Variants in MEG3 observed in about 807,000 individuals in gnomAD.
The protein encoded by MEG3 is maternally expressed 3.
chr14:100,834,448 C>T, exon 1 of MEG3: 1 of 300,378 alleles, frequency 3.3e-6, no homozygotes, highest in Non-Finnish European at 6.5e-6. Flanking sequence ...GTTAACTCCC[C>T]ACGTCCCCAT....
chr14:100,850,938 A>G (rs1046131160), intron 3 of MEG3: 3 of 152,358 alleles, frequency 2.0e-5, no homozygotes, highest in African/African-American at 7.2e-5. Context: ...TGTGTTCTAG[A>G]CAGTGGAATG....
chr14:100,859,126 T>A (rs901939393), exon 1 of MEG3: 5 of 152,238 alleles, frequency 3.3e-5, no homozygotes, highest in African/African-American at 1.2e-4. Flanking sequence ...AGTAGGCACA[T>A]AATAGATGCT....
intron 3 of MEG3, chr14:100,848,834 A>T (rs934395312): frequency 2.6e-5 from 4 of 152,222 alleles, no homozygotes; most frequent in Non-Finnish European, 5.9e-5. Context: ...AGAGGGAGAG[A>T]TGTAAGAAAA....
At chr14:100,858,157 C>T (rs1327038297) in exon 1 of MEG3, 5 of 152,676 alleles carry the variant, frequency 3.3e-5, no homozygotes, top group African/African-American at 7.2e-5. Context: ...GGCCTCCTGC[C>T]TGGTCCGGCT....
At chr14:100,832,125 T>C (rs1217249986), downstream of MEG3, 2 of 142,284 alleles carry the variant, frequency 1.4e-5, no homozygotes, top group Non-Finnish European at 3.1e-5. Context: ...AAAAAAAAAG[T>C]AGGAAAGGGA....
chr14:100,829,682 T>C (rs2037343800), downstream of MEG3: 1 of 152,242 alleles, frequency 6.6e-6, no homozygotes, highest in Non-Finnish European at 1.5e-5. Flanking sequence ...CTTGCTTGTC[T>C]TACTTGTCTT....
chr14:100,828,741 C>G (rs577276717), exon 2 of MEG3: 104 of 151,956 alleles, frequency 6.8e-4, no homozygotes, highest in Admixed American at 4.9e-3. Context: ...ATCCGTCCAC[C>G]TCCTTGTCTT....
Position 100,834,609 on chromosome 14 carries a change from T to G in MEG3, n.1641T>G, listed in dbSNP as rs1053896. 9.5e-3 allele frequency: 4,240 copies of G among 445,954 alleles called. 130 individuals are homozygous for G. The highest frequency in any genetic ancestry group is 0.071 in the African/African-American group (3,549 of 49,844). The allele number at this position is 445,954 out of a possible 1,614,324, so 27.6% of individuals were successfully genotyped here. On this transcript the variant is annotated non_coding_transcript_exon_variant, in exon 1 of 4. Transcript: ENST00000398461. The stretch of plus-strand genomic sequence containing the variant: ...CCTCGTCTTCCTCTCTCTCAATATC[T>G]CCCTCTCTTTGTCCCTCCCCAGTTC...
At chr14:100,854,983 C>T (rs905281374), upstream of MEG3, 2 of 152,638 alleles carry the variant, frequency 1.3e-5, no homozygotes, top group African/African-American at 4.8e-5. Flanking sequence ...ATGTTCTGCC[C>T]AAAGCATCAG....
intron 2 of MEG3, among the ~76,000 whole-genome samples, chr14:100,840,873 G>A (rs1266011580): frequency 6.6e-6 from 1 of 152,212 alleles, no homozygotes; most frequent in Non-Finnish European, 1.5e-5. Flanking sequence ...AAGGCTGACC[G>A]CATGTCTGCG....
At chr14:100,859,342 C>T (rs1309703513) in exon 1 of MEG3, 1 of 152,188 alleles carries the variant, frequency 6.6e-6, no homozygotes, top group African/African-American at 2.4e-5. Flanking sequence ...GTGGGTTTCC[C>T]CCCAGTGGAA....
chr14:100,839,658 G>A (rs2037692231), intron 2 of MEG3, among the ~76,000 whole-genome samples: 1 of 152,314 alleles, frequency 6.6e-6, no homozygotes, highest in Non-Finnish European at 1.5e-5. Context: ...GTGTTTCAGA[G>A]CCAGGAAAGG....
At chr14:100,833,715 C>T (rs2037464794), downstream of MEG3, 1 of 152,122 alleles carries the variant, frequency 6.6e-6, no homozygotes, top group Non-Finnish European at 1.5e-5. Context: ...CCTTATTTGT[C>T]CCAAGCTCTG....
chr14:100,844,406 C>G (rs147975133), intron 2 of MEG3, among the ~76,000 whole-genome samples: 1,959 of 152,322 alleles, frequency 0.013, 21 homozygotes, highest in Non-Finnish European at 0.021. Flanking sequence ...ATGACGCCTC[C>G]TCACCTTAAG....
chr14:100,851,738 T>A (rs1595299155), intron 3 of MEG3: 1 of 152,868 alleles, frequency 6.5e-6, no homozygotes, highest in South Asian at 2.1e-4. Context: ...TCACGACGTG[T>A]TTTGTAACTT....
At chr14:100,836,372 A>G (rs527497259) in intron 2 of MEG3, 1 of 440,024 alleles carries the variant, frequency 2.3e-6, no homozygotes, top group Non-Finnish European at 4.5e-6. Context: ...CTGATCAACA[A>G]GAGTGTCAAC....
At chr14:100,854,938 G>A (rs2038192524), upstream of MEG3, 1 of 152,622 alleles carries the variant, frequency 6.6e-6, no homozygotes, top group Admixed American at 6.5e-5. Context: ...TTCTTCACCT[G>A]GGGCAATTAC....
chr14:100,834,842 C>G (rs1046076369), exon 1 of MEG3: 7 of 456,220 alleles, frequency 1.5e-5, no homozygotes, highest in Non-Finnish European at 2.6e-5. Context: ...GGGTGGAATT[C>G]ATTTTTGAGA....
chr14:100,849,491 G>A (rs1400356017), intron 3 of MEG3: 3 of 152,166 alleles, frequency 2.0e-5, no homozygotes, highest in Non-Finnish European at 2.9e-5. Context: ...GCTGCCCATG[G>A]GATTGTCATT....
Sources: allele counts gnomAD v4.1 joint callset (sites outside exome capture counted in the v4.1 genomes callset), GRCh38; gene constraint gnomAD v4.1.1; transcripts MANE v1.5; gene names NCBI Gene and HGNC (gene_info 2026-07-23, HGNC 2026-07-21).